The following OPRM1 variants were observed in gnomAD, a reference collection of about 807,000 sequenced individuals.
OPRM1 encodes mu-type opioid receptor.
OPRM1 carries 27 observed loss-of-function variants against 31.8 expected under a neutral mutation model. That is an observed-to-expected ratio of 0.85 (90% confidence interval 0.63 to 1.17). The LOEUF (loss-of-function observed/expected upper bound fraction) is 1.17, where lower values mean the gene tolerates loss of function less well. OPRM1 is among the 50% of genes most tolerant of loss of function. The pLI, the probability that OPRM1 is intolerant of heterozygous loss-of-function variation, is 0.00. For missense variants in OPRM1, 536 were observed against 511.1 expected (o/e 1.05, Z -0.47); for synonymous variants, 196 against 189.9 (o/e 1.03, Z -0.26).
At chr6:154,214,102 C>A in intron 3 of OPRM1, 1 of 732,006 alleles carries the variant, frequency 1.4e-6, no homozygotes, top group Non-Finnish European at 2.5e-6. Context: ...TCTTAAATGC[C>A]AAAGCATGTT....
chr6:154,018,760 A>G (rs1442365545), intron 1 of OPRM1, among the ~76,000 whole-genome samples: 1 of 152,136 alleles, frequency 6.6e-6, no homozygotes, highest in Admixed American at 6.5e-5. Context: ...TATACGGAAA[A>G]ACAAAGTGTG....
chr6:154,021,386 G>C (rs1396907372), intron 1 of OPRM1, among the ~76,000 whole-genome samples: 2 of 152,000 alleles, frequency 1.3e-5, no homozygotes, highest in East Asian at 3.9e-4. Flanking sequence ...TCTTGAAGTC[G>C]AATAGTGACA....
Position 154,060,290 on chromosome 6 carries a change from T to C in OPRM1, c.290+20456T>C, listed in dbSNP as rs563478025. 3.3e-5 allele frequency among the ~76,000 whole-genome samples: 5 copies of C among 152,294 alleles called. No homozygotes were observed. The East Asian group carries it at 9.6e-4, about 29-fold the overall frequency. On this transcript the variant is annotated intron_variant, in intron 1 of 3. Transcript: ENST00000330432. ...CAGATTAGCTGGAATTACTGCCAAG[T>C]GCAAGTAACCAGGCATGTCGGTGGT...
At chr6:154,167,843 G>T in intron 3 of OPRM1, 2 of 1,106,168 alleles carry the variant, frequency 1.8e-6, no homozygotes, top group African/African-American at 1.5e-5. Flanking sequence ...GCTGTGATTA[G>T]CAAGAATCTC....
intron 1 of OPRM1, among the ~76,000 whole-genome samples, chr6:154,059,194 C>CAA (rs1783921757): frequency 6.6e-6 from 1 of 152,196 alleles, no homozygotes; most frequent in African/African-American, 2.4e-5. Flanking sequence ...TGTCTCCTTG[C>CAA]AAGTCAAACC....
chr6:154,212,663 T>C, intron 3 of OPRM1: 1 of 715,304 alleles, frequency 1.4e-6, no homozygotes, highest in Non-Finnish European at 2.4e-6. Flanking sequence ...TATCTTAATT[T>C]AGCCCATTCT....
At chr6:154,080,170 T>A (rs1439517293) in intron 1 of OPRM1, among the ~76,000 whole-genome samples, 2 of 152,246 alleles carry the variant, frequency 1.3e-5, no homozygotes, top group Non-Finnish European at 1.5e-5. Flanking sequence ...TCATTTCTTA[T>A]ATGAGCTATA....
intron 3 of OPRM1, among the ~76,000 whole-genome samples, chr6:154,192,132 G>A (rs2012047): frequency 0.67 from 101,846 of 152,122 alleles, 34,685 homozygotes; most frequent in East Asian, 0.89. Flanking sequence ...ACACCTGGAA[G>A]TGGAACTGCT....
downstream of OPRM1, among the ~76,000 whole-genome samples, chr6:154,134,040 C>A (rs1797995128): frequency 1.3e-5 from 2 of 152,202 alleles, no homozygotes; most frequent in South Asian, 4.1e-4. Flanking sequence ...AAAACTTTGG[C>A]TGTCATTTAA....
At chr6:154,219,943 G>A (rs1259415282) in intron 3 of OPRM1, among the ~76,000 whole-genome samples, 2 of 151,826 alleles carry the variant, frequency 1.3e-5, no homozygotes, top group African/African-American at 2.4e-5. Context: ...GGACAGATGA[G>A]AGTCCTTCTA....
chr6:154,032,054 A>G (rs1344111361), intron 1 of OPRM1, among the ~76,000 whole-genome samples: 1 of 152,214 alleles, frequency 6.6e-6, no homozygotes, highest in Non-Finnish European at 1.5e-5. Flanking sequence ...GTATAGGATG[A>G]ACATGTAGGA....
At chr6:154,171,264 G>C (rs1301709539) in intron 3 of OPRM1, among the ~76,000 whole-genome samples, 2 of 152,122 alleles carry the variant, frequency 1.3e-5, no homozygotes, top group South Asian at 4.1e-4. Flanking sequence ...ATTTGCATGT[G>C]ACAGAATAGT....
At chr6:154,227,794 T>C (rs1364327449) in intron 3 of OPRM1, among the ~76,000 whole-genome samples, 1 of 152,202 alleles carries the variant, frequency 6.6e-6, no homozygotes, top group Non-Finnish European at 1.5e-5. Context: ...TGGATTCCTT[T>C]TCTGCATAAG....
chr6:154,165,014 CA>C (rs1283257661), intron 3 of OPRM1, among the ~76,000 whole-genome samples: 5 of 152,284 alleles, frequency 3.3e-5, no homozygotes, highest in Non-Finnish European at 7.4e-5. Flanking sequence ...GCACCTGCGG[CA>C]AATATAAACA....
At chr6:154,180,593 A>G (rs191387978) in intron 3 of OPRM1, among the ~76,000 whole-genome samples, 1 of 152,048 alleles carries the variant, frequency 6.6e-6, no homozygotes, top group East Asian at 1.9e-4. Flanking sequence ...GGCATGCCCC[A>G]GTAGGCCCAG....
intron 3 of OPRM1, among the ~76,000 whole-genome samples, chr6:154,162,752 A>G (rs887594029): frequency 8.6e-5 from 13 of 152,018 alleles, no homozygotes; most frequent in African/African-American, 3.1e-4. Context: ...CCACTCTCCT[A>G]TGTGCTGAGG....
rs59576607 is a variant in OPRM1 at position 154,129,852 on chromosome 6, GCACACACACACACA to G, written c.*11152_*11165del. ...TTACCACCGACACCCTCCCCCCCCA[GCACACACACACACA>G]CACACACACACACACACACAACATA... is the stretch of plus-strand genomic sequence containing the variant. On this transcript the variant is annotated 3_prime_UTR_variant, in exon 4 of 4. Transcript: ENST00000330432. Among the ~76,000 whole-genome samples, 171 of 131,558 alleles carry G rather than the reference GCACACACACACACA, an allele frequency of 1.3e-3. No individual in the cohort carries two copies. Among genetic ancestry groups the G allele is most frequent in the Non-Finnish European group, 2.4e-3 (143 of 60,632 alleles). The allele number at this position is 131,558 out of a possible 152,430, so 86.3% of individuals were successfully genotyped here.
chr6:154,118,718 CT>C lies in OPRM1; in HGVS notation c.1201del (p.Ter401AsnfsTer13). 6.2e-7 allele frequency: 1 copy of C among 1,613,192 alleles called. No individual in the cohort carries two copies. The highest frequency in any genetic ancestry group is 8.5e-7 in the Non-Finnish European group (1 of 1,179,510). ...TGGAAGCAGAAACTGCTCCGTTGCCCTAACAGGGTCTCATGCCATTCCGACC... is the reference window on the plus strand; with the variant it reads ...TGGAAGCAGAAACTGCTCCGTTGCCCAACAGGGTCTCATGCCATTCCGACC... Reference protein sequence around the residue: ...NLEAETAPLP* With the variant: ...NLEAETAPLPX On this transcript the variant is annotated frameshift_variant and stop_lost, in exon 4 of 4. Transcript: ENST00000330432. LOFTEE classifies it high-confidence loss of function.
At chr6:154,092,010 T>A in intron 3 of OPRM1, 2 of 843,460 alleles carry the variant, frequency 2.4e-6, no homozygotes, top group Non-Finnish European at 2.9e-6. Context: ...CTTAAGCTAT[T>A]GGTTTGCTAC....
Sources: gnomAD v4.1 joint callset for allele counts (sites outside exome capture counted in the v4.1 genomes callset) on GRCh38, gnomAD v4.1.1 for gene constraint, MANE v1.5 for transcripts, NCBI Gene and HGNC (gene_info 2026-07-23, HGNC 2026-07-21) for gene names.